Variants in FAF2 observed in about 807,000 individuals in gnomAD.
The protein encoded by FAF2 is FAS-associated factor 2.
Under a neutral mutation model 62.3 loss-of-function variants are expected in FAF2, and 9 were observed. The ratio of observed to expected loss-of-function variants is 0.14; its 90% confidence interval spans 0.09 to 0.25. The LOEUF (loss-of-function observed/expected upper bound fraction) is 0.25, where lower values mean the gene tolerates loss of function less well. Among genes scored for constraint, FAF2 ranks in the 10% least tolerant of loss-of-function variants. The pLI is 1.00. For synonymous variants in FAF2, 202 were observed against 198.0 expected (o/e 1.02, Z -0.17); for missense variants, 368 against 556.2 (o/e 0.66, Z 3.40).
chr5:176,494,349 C>A lies in FAF2; in HGVS notation c.661+74C>A. On this transcript the variant is annotated intron_variant, in intron 7 of 10. Transcript: ENST00000261942. This position sits in a 1 kb window ranked among gnomAD's most constrained non-coding sequence, Gnocchi z 4.0. ...AATAGTCTGGAAAGACATGCCATGC[C>A]ATTTATTACAAGTGTGTTTGTTCTG... 1 of 1,215,600 alleles carries A rather than the reference C, an allele frequency of 8.2e-7. No individual in the cohort carries two copies. Among genetic ancestry groups the A allele is most frequent in the Non-Finnish European group, 1.2e-6 (1 of 819,148 alleles). The allele number at this position is 1,215,600 out of a possible 1,614,324, so 75.3% of individuals were successfully genotyped here. A position where few individuals can be genotyped will look rare whatever the true frequency, so the allele number is the denominator to read the frequency against.
chr5:176,468,178 G>GAA (rs1446700047), intron 1 of FAF2, among the ~76,000 whole-genome samples: 1 of 152,152 alleles, frequency 6.6e-6, no homozygotes, highest in Admixed American at 6.6e-5. Flanking sequence ...GAAAAGAAAA[G>GAA]AAACTAGAGA....
rs562317575 is a variant in FAF2 at position 176,501,128 on chromosome 5, A to T, written c.1155+982A>T. ...GGCAACAGAGACCCTGTAAAAAAAA[A>T]AAATAAATAATAATAATAATAGGCA... On this transcript the variant is annotated intron_variant, in intron 10 of 10. Transcript: ENST00000261942. Among the ~76,000 whole-genome samples the T allele has an allele frequency of 4.2e-3, 623 of 149,366 alleles. 2 individuals are homozygous for T. The highest frequency in any genetic ancestry group is 7.2e-3 in the African/African-American group (298 of 41,398).
At chr5:176,498,529 A>AT (rs779746016) in intron 8 of FAF2, among the ~76,000 whole-genome samples, 1 of 152,222 alleles carries the variant, frequency 6.6e-6, no homozygotes, top group Non-Finnish European at 1.5e-5. Flanking sequence ...GTATGGATAT[A>AT]TATGTGTGTG....
At chr5:176,492,784 T>C (rs1758996551) in intron 5 of FAF2, among the ~76,000 whole-genome samples, 1 of 152,262 alleles carries the variant, frequency 6.6e-6, no homozygotes, top group Non-Finnish European at 1.5e-5. Flanking sequence ...ATCTTTCCCT[T>C]TGTTCTTCCA....
At chr5:176,453,791 C>G (rs541040335) in intron 1 of FAF2, 1 of 152,136 alleles carries the variant, frequency 6.6e-6, no homozygotes, top group African/African-American at 2.4e-5. Flanking sequence ...CGCAGTGGCT[C>G]ACACCTGTAA....
At chr5:176,463,339 G>C (rs1236747065) in intron 1 of FAF2, among the ~76,000 whole-genome samples, 1 of 151,520 alleles carries the variant, frequency 6.6e-6, no homozygotes, top group Non-Finnish European at 1.5e-5. Context: ...TGAGTCAAGA[G>C]GTATCACTGC....
At chr5:176,449,647 G>C (rs1276453976) in intron 1 of FAF2, among the ~76,000 whole-genome samples, 1 of 152,070 alleles carries the variant, frequency 6.6e-6, no homozygotes, top group Non-Finnish European at 1.5e-5. Context: ...GAAGGGCCTT[G>C]TAGACTGCAA....
At chr5:176,479,165 C>A (rs552412736) in intron 1 of FAF2, 23 bp from the exon 2 acceptor site, 1 of 1,609,742 alleles carries the variant, frequency 6.2e-7, no homozygotes, top group Admixed American at 1.7e-5. Flanking sequence ...CTCTAAGTAA[C>A]TTGTTTTCAT....
intron 10 of FAF2, among the ~76,000 whole-genome samples, chr5:176,501,776 C>A (rs1755594545): frequency 6.6e-6 from 1 of 152,030 alleles, no homozygotes; most frequent in Admixed American, 6.6e-5. Flanking sequence ...TGTTTTGAGA[C>A]AGAGTTTCGC....
At position 176,452,201 on chromosome 5, in the gene FAF2, G is replaced by C. The variant is rs138718642; in HGVS notation, c.63+3731G>C. ...GCCTCCTGAGTAGCTGGGATTACAA[G>C]TGCCTGCCACCATGCCTGGCTAATT... On this transcript the variant is annotated intron_variant, in intron 1 of 10. Transcript: ENST00000261942. Among the ~76,000 whole-genome samples, 1,340 of 151,934 alleles carry C rather than the reference G, an allele frequency of 8.8e-3. 15 individuals are homozygous for C. The highest frequency in any genetic ancestry group is 0.014 in the Non-Finnish European group (979 of 67,972).
chr5:176,462,036 TG>T (rs1758387976), intron 1 of FAF2, among the ~76,000 whole-genome samples: 1 of 152,134 alleles, frequency 6.6e-6, no homozygotes, highest in African/African-American at 2.4e-5. Context: ...CAACACTTTA[TG>T]AGACTGAGGT....
At chr5:176,448,538 G>A in intron 1 of FAF2, 68 bp downstream of exon 1, 1 of 1,457,184 alleles carries the variant, frequency 6.9e-7, no homozygotes. Context: ...GAGGAGTTCA[G>A]AACCCTCCTC....
At chr5:176,457,629 TATTTG>T (rs1193525514) in intron 1 of FAF2, among the ~76,000 whole-genome samples, 4 of 150,332 alleles carry the variant, frequency 2.7e-5, no homozygotes, top group Non-Finnish European at 4.4e-5. Flanking sequence ...TAAAACTGAT[TATTTG>T]ATTTGAACTG....
chr5:176,455,210 A>G (rs139849774), intron 1 of FAF2, among the ~76,000 whole-genome samples: 1 of 152,304 alleles, frequency 6.6e-6, no homozygotes, highest in East Asian at 1.9e-4. Context: ...AAGGAAATCA[A>G]ATCAGTATGG....
At chr5:176,478,436 G>A (rs1044084536) in intron 1 of FAF2, among the ~76,000 whole-genome samples, 8 of 152,124 alleles carry the variant, frequency 5.3e-5, no homozygotes, top group Non-Finnish European at 8.8e-5. Flanking sequence ...CAGTCATTGC[G>A]CTATTGCACT....
rs1364558234 is a variant in FAF2 at position 176,477,569 on chromosome 5, CAAAGCCAGTGGTTCTT to C, written c.64-1614_64-1599del. 3.3e-5 allele frequency among the ~76,000 whole-genome samples: 5 copies of C among 152,242 alleles called. No individual in the cohort carries two copies. In the East Asian group the frequency reaches 9.6e-4, roughly 29 times the overall value. The stretch of plus-strand genomic sequence containing the variant: ...ACCTAAAATCCAGACTCAGAACTGT[CAAAGCCAGTGGTTCTT>C]AAAGGAACTTTTCTATTTCAGCATT... On this transcript the variant is annotated intron_variant, in intron 1 of 10. Transcript: ENST00000261942.
intron 10 of FAF2, among the ~76,000 whole-genome samples, chr5:176,501,254 A>G (rs1315493998): frequency 3.3e-5 from 5 of 152,266 alleles, no homozygotes; most frequent in Non-Finnish European, 7.3e-5. Context: ...TTGTAACCAA[A>G]AGAAAATTTA....
chr5:176,465,764 G>T (rs569063864), intron 1 of FAF2, among the ~76,000 whole-genome samples: 1 of 152,282 alleles, frequency 6.6e-6, no homozygotes, highest in East Asian at 1.9e-4. Flanking sequence ...GGCTGAGGCA[G>T]GAGAATCACT....
intron 1 of FAF2, among the ~76,000 whole-genome samples, chr5:176,471,375 C>CTTTTTT (rs138149987): frequency 5.1e-5 from 5 of 97,620 alleles, no homozygotes; most frequent in African/African-American, 8.2e-5. Context: ...TCTGTACATT[C>CTTTTTT]TTTTTTTTTT....
Sources: gnomAD v4.1 joint callset for allele counts (sites outside exome capture counted in the v4.1 genomes callset) on GRCh38, gnomAD v4.1.1 for gene constraint, Gnocchi (gnomAD v3.1) non-coding constraint, MANE v1.5 for transcripts, NCBI Gene and HGNC (gene_info 2026-07-23, HGNC 2026-07-21) for gene names.